Variants in CACNA2D3 observed in about 807,000 individuals in gnomAD.
The protein encoded by CACNA2D3 is calcium voltage-gated channel auxiliary subunit alpha2delta 3.
Under a neutral mutation model 160.6 loss-of-function variants are expected in CACNA2D3, and 60 were observed. The observed-to-expected ratio is 0.37, with a 90% CI of 0.30 to 0.46. The LOEUF is 0.46. Among genes scored for constraint, CACNA2D3 ranks in the 20% least tolerant of loss-of-function variants. The pLI, the probability that CACNA2D3 is intolerant of heterozygous loss-of-function variation, is 1.00. For missense variants in CACNA2D3, 1,205 were observed against 1,365.0 expected (o/e 0.88, Z 1.85); for synonymous variants, 558 against 492.9 (o/e 1.13, Z -1.75).
At chr3:54,837,535 T>G (rs1363699069) in intron 15 of CACNA2D3, among the ~76,000 whole-genome samples, 1 of 152,108 alleles carries the variant, frequency 6.6e-6, no homozygotes, top group Admixed American at 6.5e-5. Flanking sequence ...TACCAGCCTT[T>G]TATTAGTTTC....
intron 9 of CACNA2D3, among the ~76,000 whole-genome samples, chr3:54,614,465 T>G (rs1698807722): frequency 6.6e-6 from 1 of 152,250 alleles, no homozygotes; most frequent in Non-Finnish European, 1.5e-5. Context: ...ACTTGTCACT[T>G]TGCCTGTCAG....
chr3:54,931,622 G>C (rs1167555662), intron 27 of CACNA2D3, among the ~76,000 whole-genome samples: 3 of 152,156 alleles, frequency 2.0e-5, no homozygotes, highest in Non-Finnish European at 4.4e-5. Context: ...CAGGACCCCA[G>C]GTTCCCACAT....
At chr3:55,029,115 C>A (rs1283884761) in intron 35 of CACNA2D3, among the ~76,000 whole-genome samples, 1 of 152,138 alleles carries the variant, frequency 6.6e-6, no homozygotes, top group South Asian at 2.1e-4. Flanking sequence ...TCAGTGAGTG[C>A]CCTGCAGGTG....
chr3:54,815,395 A>G (rs1215462331), intron 13 of CACNA2D3, among the ~76,000 whole-genome samples: 2 of 152,198 alleles, frequency 1.3e-5, no homozygotes, highest in African/African-American at 4.8e-5. Context: ...CTCCATCCAC[A>G]GGGGCAGGGG....
intron 2 of CACNA2D3, among the ~76,000 whole-genome samples, chr3:54,161,043 G>T (rs1310117479): frequency 6.6e-6 from 1 of 152,188 alleles, no homozygotes; most frequent in Admixed American, 6.5e-5. Context: ...GAGCCTGTGT[G>T]CAGGTGGGAA....
intron 13 of CACNA2D3, among the ~76,000 whole-genome samples, chr3:54,810,622 C>CT (rs964993674): frequency 6.6e-6 from 1 of 152,108 alleles, no homozygotes; most frequent in Non-Finnish European, 1.5e-5. Flanking sequence ...GTAGGCCAGG[C>CT]TTTTTTTGTT....
intron 9 of CACNA2D3, among the ~76,000 whole-genome samples, chr3:54,595,024 T>C (rs561242222): frequency 6.6e-6 from 1 of 152,356 alleles, no homozygotes; most frequent in African/African-American, 2.4e-5. Flanking sequence ...GTCATTCTTC[T>C]AAAGATTTGT....
intron 2 of CACNA2D3, among the ~76,000 whole-genome samples, chr3:54,157,495 A>G (rs1354711377): frequency 1.3e-5 from 2 of 152,188 alleles, no homozygotes; most frequent in Admixed American, 1.3e-4. Context: ...GTGGGAACAT[A>G]AAGAAGAAAC....
chr3:54,346,709 T>C (rs1051157577), intron 3 of CACNA2D3, among the ~76,000 whole-genome samples: 8 of 152,280 alleles, frequency 5.3e-5, no homozygotes, highest in Non-Finnish European at 7.3e-5. Flanking sequence ...AGTCTATAAT[T>C]TCCATTAGGG....
At chr3:54,648,352 G>T (rs1056894156) in intron 11 of CACNA2D3, among the ~76,000 whole-genome samples, 1 of 152,190 alleles carries the variant, frequency 6.6e-6, no homozygotes, top group Non-Finnish European at 1.5e-5. Flanking sequence ...GTTTACTATT[G>T]TCTATGGCTG....
chr3:54,901,298 T>C (rs1372324253), intron 27 of CACNA2D3: 1 of 152,218 alleles, frequency 6.6e-6, no homozygotes, highest in Non-Finnish European at 1.5e-5. Flanking sequence ...ACCCTTTCTT[T>C]GGGTTTCTAG....
intron 2 of CACNA2D3, among the ~76,000 whole-genome samples, chr3:54,149,932 C>CCCCCTCCCTCT (rs1553735629): frequency 8.4e-5 from 2 of 23,838 alleles, no homozygotes; most frequent in South Asian, 2.3e-3. Context: ...TCTCTCTCTC[C>CCCCCTCCCTCT]CTCCCTCCCT....
At chr3:54,916,738 T>C (rs548751577) in intron 27 of CACNA2D3, among the ~76,000 whole-genome samples, 1 of 152,290 alleles carries the variant, frequency 6.6e-6, no homozygotes, top group African/African-American at 2.4e-5. Context: ...ATCTATCCCA[T>C]ACACATGTGA....
intron 10 of CACNA2D3, chr3:54,638,069 T>A (rs1699418331): frequency 6.6e-6 from 1 of 151,868 alleles, no homozygotes; most frequent in South Asian, 2.1e-4. Flanking sequence ...TTGCAACTTT[T>A]TTCTGTTATT....
At chr3:54,234,718 T>G (rs1701841973) in intron 2 of CACNA2D3, among the ~76,000 whole-genome samples, 1 of 151,990 alleles carries the variant, frequency 6.6e-6, no homozygotes, top group South Asian at 2.1e-4. Flanking sequence ...GGAACATGAG[T>G]GGAGCAGGAG....
chr3:54,426,035 TC>T (rs1432807261), intron 4 of CACNA2D3, among the ~76,000 whole-genome samples: 2 of 152,184 alleles, frequency 1.3e-5, no homozygotes, highest in Admixed American at 1.3e-4. Flanking sequence ...GTTGAGTTGT[TC>T]CTTCTGGTCA....
intron 2 of CACNA2D3, among the ~76,000 whole-genome samples, chr3:54,240,101 G>A (rs563403280): frequency 8.5e-4 from 129 of 152,318 alleles, no homozygotes; most frequent in South Asian, 4.4e-3. Context: ...TGACAACAGC[G>A]TCTGGGGTGG....
At chr3:54,915,300 C>T (rs907601706) in intron 27 of CACNA2D3, among the ~76,000 whole-genome samples, 7 of 152,140 alleles carry the variant, frequency 4.6e-5, no homozygotes, top group Non-Finnish European at 8.8e-5. Flanking sequence ...TTATGCCTCA[C>T]TACAGACAGC....
chr3:54,292,098 G>A (rs1703221893), intron 2 of CACNA2D3, among the ~76,000 whole-genome samples: 1 of 151,948 alleles, frequency 6.6e-6, no homozygotes, highest in Admixed American at 6.6e-5. Flanking sequence ...AATGGTGTGG[G>A]GACAACTGCA....
Sources: allele counts gnomAD v4.1 joint callset (sites outside exome capture counted in the v4.1 genomes callset), GRCh38; gene constraint gnomAD v4.1.1; transcripts MANE v1.5; gene names NCBI Gene and HGNC (gene_info 2026-07-23, HGNC 2026-07-21).